The following CADM2 variants were observed in gnomAD, a reference collection of about 807,000 sequenced individuals.
CADM2 encodes cell adhesion molecule 2.
Under a neutral mutation model 49.8 loss-of-function variants are expected in CADM2, and 12 were observed. The observed-to-expected ratio is 0.24, with a 90% CI of 0.15 to 0.39. The LOEUF is 0.39. Among genes scored for constraint, CADM2 ranks in the 10% least tolerant of loss-of-function variants. The pLI is 1.00. For synonymous variants in CADM2, 214 were observed against 175.4 expected (o/e 1.22, Z -1.74); for missense variants, 378 against 492.3 (o/e 0.77, Z 2.20).
At chr3:85,119,698 C>T (rs769714148) in intron 1 of CADM2, among the ~76,000 whole-genome samples, 31 of 152,024 alleles carry the variant, frequency 2.0e-4, no homozygotes, top group Non-Finnish European at 3.5e-4. Context: ...TGTAGTTCTC[C>T]TTGAAGAGGT....
chr3:85,341,933 C>T (rs139470558), intron 1 of CADM2, among the ~76,000 whole-genome samples: 43 of 152,182 alleles, frequency 2.8e-4, no homozygotes, highest in Admixed American at 5.9e-4. Context: ...TGGGCAATAC[C>T]ATTCAGGACA....
chr3:85,593,814 A>C (rs1193318385), intron 1 of CADM2, among the ~76,000 whole-genome samples: 1 of 152,012 alleles, frequency 6.6e-6, no homozygotes. Flanking sequence ...TAACTGGGTC[A>C]AGGACTCTTT....
chr3:85,204,357 T>G (rs537081941), intron 1 of CADM2, among the ~76,000 whole-genome samples: 1 of 152,296 alleles, frequency 6.6e-6, no homozygotes, highest in East Asian at 1.9e-4. Flanking sequence ...ATATGTACCT[T>G]GCCACTCTAC....
intron 4 of CADM2, among the ~76,000 whole-genome samples, chr3:85,885,051 G>T (rs1000578516): frequency 5.9e-5 from 9 of 151,642 alleles, no homozygotes; most frequent in African/African-American, 2.2e-4. Flanking sequence ...TTCTTTTTAA[G>T]CTTTAAGAAC....
At chr3:85,674,115 G>T (rs764333045) in intron 1 of CADM2, among the ~76,000 whole-genome samples, 31 of 152,238 alleles carry the variant, frequency 2.0e-4, no homozygotes, top group Admixed American at 3.3e-4. Context: ...TTCAGCACTT[G>T]TGAGGATTAC....
chr3:85,600,842 A>C (rs1296631212), intron 1 of CADM2, among the ~76,000 whole-genome samples: 2 of 151,414 alleles, frequency 1.3e-5, no homozygotes, highest in African/African-American at 4.8e-5. Flanking sequence ...TAGTCTTGTC[A>C]AACCAATTCA....
At chr3:85,589,797 G>A (rs1228119483) in intron 1 of CADM2, among the ~76,000 whole-genome samples, 1 of 151,706 alleles carries the variant, frequency 6.6e-6, no homozygotes, top group Admixed American at 6.6e-5. Flanking sequence ...CCTTAGTTTA[G>A]GAATTTATAA....
At chr3:85,114,240 G>A (rs1182207039) in intron 1 of CADM2, among the ~76,000 whole-genome samples, 1 of 152,004 alleles carries the variant, frequency 6.6e-6, no homozygotes, top group African/African-American at 2.4e-5. Flanking sequence ...GTGAATAATG[G>A]ATAGGCATAG....
intron 8 of CADM2, among the ~76,000 whole-genome samples, chr3:86,034,705 A>G (rs910262897): frequency 1.3e-5 from 2 of 152,120 alleles, no homozygotes; most frequent in East Asian, 1.9e-4. Context: ...TAGTTTCCCA[A>G]TGGAAATCTA....
In CADM2 at chr3:85,190,041, A is replaced by G. The variant is rs896876921; in HGVS notation, c.61+230373A>G. On this transcript the variant is annotated intron_variant, in intron 1 of 9. Coordinates refer to ENST00000383699, the MANE Select transcript of CADM2 (RefSeq NM_001167675.2). ...GAGCAACAGAGTGAGACAGACACCCAGTGAGGGAGAGCAAGACAAAATCCA... is the reference window on the plus strand; with the variant it reads ...GAGCAACAGAGTGAGACAGACACCCGGTGAGGGAGAGCAAGACAAAATCCA... 5.4e-5 allele frequency among the ~76,000 whole-genome samples: 8 copies of G among 147,324 alleles called. No individual in the cohort carries two copies. The East Asian group carries it at 1.4e-3, about 26-fold the overall frequency.
intron 1 of CADM2, among the ~76,000 whole-genome samples, chr3:85,617,723 G>A (rs1248777462): frequency 6.6e-6 from 1 of 152,100 alleles, no homozygotes; most frequent in Non-Finnish European, 1.5e-5. Context: ...CTACCAAGGG[G>A]CTGCCAACCA....
chr3:85,097,060 A>G (rs2037826744), intron 1 of CADM2, among the ~76,000 whole-genome samples: 1 of 152,132 alleles, frequency 6.6e-6, no homozygotes, highest in South Asian at 2.1e-4. Context: ...CAGGTTTGTT[A>G]CATATGTATA....
At chr3:85,669,226 C>A (rs553948352) in intron 1 of CADM2, among the ~76,000 whole-genome samples, 7 of 152,114 alleles carry the variant, frequency 4.6e-5, no homozygotes, top group Admixed American at 4.6e-4. Flanking sequence ...ACAAGTAGTT[C>A]ATTTTTTACT....
intron 5 of CADM2, among the ~76,000 whole-genome samples, chr3:85,887,371 C>A (rs1187870076): frequency 2.0e-5 from 3 of 152,176 alleles, no homozygotes; most frequent in Non-Finnish European, 4.4e-5. Context: ...GTGTGAGCCA[C>A]CATGCTCAGA....
chr3:85,656,018 G>T (rs1332077062), intron 1 of CADM2, among the ~76,000 whole-genome samples: 2 of 149,428 alleles, frequency 1.3e-5, no homozygotes, highest in East Asian at 2.0e-4. Flanking sequence ...TAAGCTCTTT[G>T]TTCCCTACTC....
At chr3:85,912,022 C>A (rs1577642078) in intron 5 of CADM2, among the ~76,000 whole-genome samples, 1 of 151,658 alleles carries the variant, frequency 6.6e-6, no homozygotes, top group East Asian at 1.9e-4. Context: ...GCTCACTCTG[C>A]AAGCTCTGCC....
At chr3:85,471,202 C>T (rs2038749959) in intron 1 of CADM2, among the ~76,000 whole-genome samples, 2 of 152,120 alleles carry the variant, frequency 1.3e-5, no homozygotes, top group Admixed American at 6.6e-5. Context: ...ATCCAGGTTT[C>T]ATCTATCTTG....
intron 1 of CADM2, among the ~76,000 whole-genome samples, chr3:85,197,295 T>C (rs72909199): frequency 0.18 from 26,745 of 151,882 alleles, 4,484 homozygotes; most frequent in African/African-American, 0.44. Flanking sequence ...TGATCAATTC[T>C]ATGTGTTAAT....
At chr3:85,559,700 C>A (rs12630000) in intron 1 of CADM2, among the ~76,000 whole-genome samples, 18 of 41,598 alleles carry the variant, frequency 4.3e-4, no homozygotes, top group East Asian at 0.017. Context: ...ATATATATAT[C>A]ACTTTTTAAA....
Sources: allele counts gnomAD v4.1 joint callset (sites outside exome capture counted in the v4.1 genomes callset), GRCh38; gene constraint gnomAD v4.1.1; transcripts MANE v1.5; gene names NCBI Gene and HGNC (gene_info 2026-07-23, HGNC 2026-07-21).